The following DIAPH2 variants were observed in gnomAD, a reference collection of about 807,000 sequenced individuals.
DIAPH2 encodes diaphanous related formin 2.
In DIAPH2, 35 loss-of-function variants were observed where a neutral mutation model predicts 92.7. That is an observed-to-expected ratio of 0.38 (90% confidence interval 0.29 to 0.50). The LOEUF is 0.50. DIAPH2 is among the 20% of genes least tolerant of loss of function. DIAPH2 has a pLI of 0.94. For missense variants in DIAPH2, 701 were observed against 819.5 expected (o/e 0.86, Z 1.77); for synonymous variants, 301 against 280.4 (o/e 1.07, Z -0.73).
chrX:96,953,274 A>G lies in DIAPH2; in HGVS notation c.1614+4235A>G, dbSNP rs1430047194. Among the ~76,000 whole-genome samples the G allele has an allele frequency of 2.7e-5, 3 of 111,909 alleles. No individual in the cohort carries two copies. In the Admixed American group the frequency reaches 2.8e-4, roughly 11 times the overall value. ...ACTTAAAATCCTGAGTTTCCCCTCA[A>G]TAATACAGATGTCTGTAATACAGAC... On this transcript the variant is annotated intron_variant, in intron 15 of 26. Coordinates refer to ENST00000324765, the MANE Select transcript of DIAPH2 (RefSeq NM_006729.5).
chrX:96,888,555 CTATA>C (rs973299184), intron 5 of DIAPH2, among the ~76,000 whole-genome samples: 2 of 77,114 alleles, frequency 2.6e-5, no homozygotes, highest in African/African-American at 5.3e-5. Flanking sequence ...ATATATATAT[CTATA>C]TATATACACA....
chrX:97,417,985 A>C (rs2069966849), intron 25 of DIAPH2, among the ~76,000 whole-genome samples: 1 of 111,928 alleles, frequency 8.9e-6, no homozygotes, highest in Non-Finnish European at 1.9e-5. Context: ...CAATTAACTG[A>C]TCACTGAGAT....
At chrX:97,056,179 A>G (rs967848589) in intron 17 of DIAPH2, among the ~76,000 whole-genome samples, 9 of 111,207 alleles carry the variant, frequency 8.1e-5, no homozygotes, top group Non-Finnish European at 1.5e-4. Flanking sequence ...GTGGTGGTAA[A>G]CTCCAGCATT....
rs1321156583 is a variant in DIAPH2 at position 96,881,595 on chromosome X, G to C, written c.464G>C (p.Ser155Thr). 1 of 1,204,453 alleles carries C rather than the reference G, an allele frequency of 8.3e-7. No individual in the cohort carries two copies. Among genetic ancestry groups the C allele is most frequent in the Admixed American group, 2.2e-5 (1 of 44,909 alleles). The change falls in exon 5 of 27, where the codon AGC becomes ACC. Residue 155 changes from serine (S) to threonine (T), a missense_variant. Around this residue, in one of 3 missense-constraint regions of DIAPH2, gnomAD observed 131 missense variants for 145.6 expected, o/e 0.90. Coordinates refer to ENST00000324765, the MANE Select transcript of DIAPH2 (RefSeq NM_006729.5). Reference protein sequence around the residue: ...ATAKSGGLKNSKHECTLSSQE... With the variant: ...ATAKSGGLKNTKHECTLSSQE... ...ATTTTATAGGGTGGGCTGAAAAACA[G>C]CAAACATGAATGCACCCTGTCTTCA... is the stretch of plus-strand genomic sequence containing the variant.
intron 4 of DIAPH2, among the ~76,000 whole-genome samples, chrX:96,868,865 G>T (rs1211749983): frequency 8.9e-6 from 1 of 111,798 alleles, no homozygotes; most frequent in Non-Finnish European, 1.9e-5. Flanking sequence ...TGAAGAAACC[G>T]AGAATCTGTA....
At chrX:97,323,373 C>T (rs1408930458) in intron 23 of DIAPH2, among the ~76,000 whole-genome samples, 31 of 96,895 alleles carry the variant, frequency 3.2e-4, no homozygotes, top group African/African-American at 1.1e-3. Flanking sequence ...GGGCGGATCA[C>T]GAGGTCAGGA....
chrX:96,701,059 C>T (rs1462052407), intron 1 of DIAPH2, among the ~76,000 whole-genome samples: 1 of 111,931 alleles, frequency 8.9e-6, no homozygotes, highest in East Asian at 2.8e-4. Flanking sequence ...ATCCTAAGTA[C>T]TTTCTTTCTA....
At chrX:97,171,707 G>A (rs1024958183) in intron 22 of DIAPH2, among the ~76,000 whole-genome samples, 3 of 111,891 alleles carry the variant, frequency 2.7e-5, no homozygotes, top group Non-Finnish European at 5.6e-5. Context: ...TTGGGAGGCC[G>A]CGACGGGCGG....
chrX:97,569,285 T>C (rs1461981655), intron 26 of DIAPH2, among the ~76,000 whole-genome samples: 1 of 112,169 alleles, frequency 8.9e-6, no homozygotes, highest in Non-Finnish European at 1.9e-5. Flanking sequence ...GAGAGGGCAG[T>C]ATAGATGGAT....
At chrX:97,247,432 G>A (rs773969957) in intron 22 of DIAPH2, among the ~76,000 whole-genome samples, 6 of 111,379 alleles carry the variant, frequency 5.4e-5, no homozygotes, top group African/African-American at 3.2e-5. Flanking sequence ...TAGGAATTCC[G>A]TCAATAAATT....
chrX:96,799,596 T>A (rs2064566190), intron 4 of DIAPH2, among the ~76,000 whole-genome samples: 1 of 111,555 alleles, frequency 9.0e-6, no homozygotes, highest in Non-Finnish European at 1.9e-5. Flanking sequence ...GATCACGAGC[T>A]TAGAAGTTCG....
At chrX:97,067,763 C>T (rs2066643347) in intron 17 of DIAPH2, among the ~76,000 whole-genome samples, 1 of 111,773 alleles carries the variant, frequency 8.9e-6, no homozygotes, top group Non-Finnish European at 1.9e-5. Context: ...GGCATCAATC[C>T]TTGTTGAAAT....
intron 23 of DIAPH2, among the ~76,000 whole-genome samples, chrX:97,266,677 G>A (rs761168467): frequency 4.4e-4 from 49 of 111,805 alleles, no homozygotes; most frequent in African/African-American, 1.5e-3. Context: ...CCTTTATCCT[G>A]GTAAAGCATC....
At chrX:97,538,145 A>G (rs1174112391) in intron 26 of DIAPH2, among the ~76,000 whole-genome samples, 2 of 110,903 alleles carry the variant, frequency 1.8e-5, no homozygotes, top group Admixed American at 1.9e-4. Flanking sequence ...CGGCCTCCCA[A>G]AGTGCTGGGA....
At chrX:97,309,358 C>G (rs2068775088) in intron 23 of DIAPH2, among the ~76,000 whole-genome samples, 1 of 111,071 alleles carries the variant, frequency 9.0e-6, no homozygotes, top group African/African-American at 3.3e-5. Context: ...ACCTCAGCCT[C>G]CCAAAGTGCT....
chrX:97,523,555 C>T, intron 26 of DIAPH2, among the ~76,000 whole-genome samples: 1 of 111,570 alleles, frequency 9.0e-6, no homozygotes, highest in Non-Finnish European at 1.9e-5. Context: ...CCACGACTAC[C>T]AGGGTTCACT....
At chrX:96,689,400 T>C (rs1000798537) in intron 1 of DIAPH2, among the ~76,000 whole-genome samples, 6 of 107,989 alleles carry the variant, frequency 5.6e-5, no homozygotes, top group African/African-American at 2.0e-4. Context: ...TGGAAAAGCA[T>C]GCTAGAATGG....
chrX:97,225,106 A>G (rs1450297848), intron 22 of DIAPH2, among the ~76,000 whole-genome samples: 3 of 110,692 alleles, frequency 2.7e-5, no homozygotes, highest in Non-Finnish European at 5.7e-5. Flanking sequence ...TATTATGTGA[A>G]CCAAGAAATG....
At chrX:97,159,444 G>C (rs980355524) in intron 22 of DIAPH2, among the ~76,000 whole-genome samples, 2 of 111,886 alleles carry the variant, frequency 1.8e-5, no homozygotes, top group Non-Finnish European at 3.8e-5. Flanking sequence ...AATCTAATTA[G>C]TCCTTGTAGC....
Sources: allele counts gnomAD v4.1 joint callset (sites outside exome capture counted in the v4.1 genomes callset), GRCh38; gene constraint gnomAD v4.1.1; regional missense constraint gnomAD v4.1.1; transcripts MANE v1.5; gene names NCBI Gene and HGNC (gene_info 2026-07-23, HGNC 2026-07-21).